The following MCC variants were observed in gnomAD, a reference collection of about 807,000 sequenced individuals.
The protein encoded by MCC is colorectal mutant cancer protein.
MCC carries 90 observed loss-of-function variants against 116.2 expected under a neutral mutation model. The ratio of observed to expected loss-of-function variants is 0.77; its 90% confidence interval spans 0.65 to 0.92. The LOEUF is 0.92. Among genes scored for constraint, MCC ranks in the 40% least tolerant of loss-of-function variants. MCC has a pLI of 0.00. For synonymous variants in MCC, 578 were observed against 510.5 expected (o/e 1.13, Z -1.78); for missense variants, 1,516 against 1,312.2 (o/e 1.16, Z -2.40).
intron 17 of MCC, among the ~76,000 whole-genome samples, chr5:113,031,254 C>T (rs1363264788): frequency 6.6e-6 from 1 of 152,214 alleles, no homozygotes; most frequent in Admixed American, 6.5e-5. Flanking sequence ...TCCTACCCGC[C>T]TCTGCTAAGC....
At chr5:113,117,656 A>G (rs1370396438) in intron 6 of MCC, among the ~76,000 whole-genome samples, 1 of 152,254 alleles carries the variant, frequency 6.6e-6, no homozygotes, top group African/African-American at 2.4e-5. Context: ...TTTTGGAAAC[A>G]GTTGCTCCAG....
At chr5:113,440,498 G>A (rs1771003441) in intron 1 of MCC, among the ~76,000 whole-genome samples, 1 of 151,908 alleles carries the variant, frequency 6.6e-6, no homozygotes, top group South Asian at 2.1e-4. Context: ...CATCTTATTG[G>A]TCTTTGGATT....
chr5:113,198,016 G>A (rs1458055696), intron 3 of MCC, among the ~76,000 whole-genome samples: 1 of 152,232 alleles, frequency 6.6e-6, no homozygotes, highest in African/African-American at 2.4e-5. Context: ...TAGAAAGGGG[G>A]TAAGAACTGG....
rs981157782 is a variant in MCC, at chr5:113,024,703, T to C, written c.*2599A>G. 6.6e-6 allele frequency: 1 copy of C among 152,182 alleles called. No individual in the cohort carries two copies. Among genetic ancestry groups the C allele is most frequent in the Non-Finnish European group, 1.5e-5 (1 of 68,044 alleles). 9.4% of individuals were successfully genotyped at this position (152,182 alleles called of 1,614,324 possible). A position where few individuals can be genotyped will look rare whatever the true frequency, so the allele number is the denominator to read the frequency against. ...AAAAATTCAGGTAGCGCCAGGTTAT[T>C]CACAAAGGAAAATTACCCAGGAACC... On this transcript the variant is annotated 3_prime_UTR_variant, in exon 19 of 19. Transcript: ENST00000408903.
chr5:113,066,349 A>G (rs1388599539), intron 13 of MCC, among the ~76,000 whole-genome samples: 1 of 152,206 alleles, frequency 6.6e-6, no homozygotes, highest in Non-Finnish European at 1.5e-5. Context: ...AAATCCTGAC[A>G]GCAGGCCAAG....
intron 1 of MCC, among the ~76,000 whole-genome samples, chr5:113,432,257 A>C (rs1026828605): frequency 7.4e-5 from 10 of 135,034 alleles, no homozygotes; most frequent in Admixed American, 3.3e-4. Flanking sequence ...CGGGAGGCAG[A>C]GGTTGCAGTG....
At chr5:113,397,095 G>C (rs1308181556) in intron 1 of MCC, among the ~76,000 whole-genome samples, 1 of 152,096 alleles carries the variant, frequency 6.6e-6, no homozygotes, top group Non-Finnish European at 1.5e-5. Context: ...ATTTAAAAAA[G>C]GTCAGCTGTA....
At chr5:113,218,160 C>T (rs1763398282) in intron 3 of MCC, among the ~76,000 whole-genome samples, 1 of 151,406 alleles carries the variant, frequency 6.6e-6, no homozygotes, top group Admixed American at 6.6e-5. Context: ...AGCCCTTTAC[C>T]CAGCTTCTCT....
chr5:113,246,076 A>T (rs1378726364), intron 3 of MCC, among the ~76,000 whole-genome samples: 1 of 152,214 alleles, frequency 6.6e-6, no homozygotes, highest in African/African-American at 2.4e-5. Context: ...CTTGGTAGAA[A>T]AGAGAGACAT....
intron 2 of MCC, among the ~76,000 whole-genome samples, chr5:113,356,281 C>T (rs941256446): frequency 2.6e-5 from 4 of 151,112 alleles, no homozygotes; most frequent in African/African-American, 9.7e-5. Context: ...AGGTGATCCT[C>T]GTGCCTCGAC....
intron 3 of MCC, among the ~76,000 whole-genome samples, chr5:113,187,980 C>G (rs80288084): frequency 0.02 from 3,037 of 152,142 alleles, 105 homozygotes; most frequent in African/African-American, 0.07. Context: ...GGTATGTGGC[C>G]CTGCTCAAGC....
chr5:113,242,832 C>A (rs574548222), intron 3 of MCC, among the ~76,000 whole-genome samples: 2 of 152,048 alleles, frequency 1.3e-5, no homozygotes, highest in Non-Finnish European at 2.9e-5. Flanking sequence ...CTGTGGAAAT[C>A]GAGAAAGCAA....
intron 1 of MCC, among the ~76,000 whole-genome samples, chr5:113,470,602 G>A (rs1298845967): frequency 1.3e-5 from 2 of 152,026 alleles, no homozygotes; most frequent in African/African-American, 4.8e-5. Context: ...TTTCCCTCTG[G>A]CTGCCCTTAA....
At chr5:113,344,924 A>G (rs11952458) in intron 2 of MCC, among the ~76,000 whole-genome samples, 7 of 152,100 alleles carry the variant, frequency 4.6e-5, no homozygotes, top group African/African-American at 1.7e-4. Context: ...GAAAGTAAAG[A>G]GGACTCTGTC....
At chr5:113,367,374 A>G (rs1479388298) in intron 2 of MCC, among the ~76,000 whole-genome samples, 1 of 151,834 alleles carries the variant, frequency 6.6e-6, no homozygotes, top group Non-Finnish European at 1.5e-5. Flanking sequence ...TTTTCTCAAT[A>G]ATTTAAGATG....
chr5:113,044,492 A>G, intron 16 of MCC: 1 of 984,090 alleles, frequency 1.0e-6, no homozygotes, highest in Non-Finnish European at 1.2e-6. Context: ...ATGATCTCTC[A>G]ACGGACATGA....
intron 1 of MCC, among the ~76,000 whole-genome samples, chr5:113,395,372 A>C (rs1367091689): frequency 6.6e-6 from 1 of 152,224 alleles, no homozygotes; most frequent in Non-Finnish European, 1.5e-5. Context: ...ACTATGCCAA[A>C]AGAAAAAAAA....
intron 1 of MCC, among the ~76,000 whole-genome samples, chr5:113,451,327 A>T (rs1771386743): frequency 6.6e-6 from 1 of 152,286 alleles, no homozygotes; most frequent in South Asian, 2.1e-4. Context: ...TTTAGCAACT[A>T]GCATTTTAAA....
At chr5:113,221,102 A>G (rs572362653) in intron 3 of MCC, among the ~76,000 whole-genome samples, 44 of 152,244 alleles carry the variant, frequency 2.9e-4, no homozygotes, top group African/African-American at 1.0e-3. Flanking sequence ...TACTCAGGAG[A>G]CTGAGGTGGG....
Sources: gnomAD v4.1 joint callset for allele counts (sites outside exome capture counted in the v4.1 genomes callset) on GRCh38, gnomAD v4.1.1 for gene constraint, MANE v1.5 for transcripts, NCBI Gene and HGNC (gene_info 2026-07-23, HGNC 2026-07-21) for gene names.